The following PPM1D variants were observed in gnomAD, a reference collection of about 807,000 sequenced individuals.
The protein encoded by PPM1D is protein phosphatase 1D.
A neutral mutation model predicts 58.3 loss-of-function variants in PPM1D; 52 were observed. The observed-to-expected ratio is 0.89, with a 90% CI of 0.71 to 1.12. PPM1D has a LOEUF of 1.12. PPM1D is among the 50% of genes most tolerant of loss of function. The pLI, the probability that PPM1D is intolerant of heterozygous loss-of-function variation, is 0.00. For missense variants in PPM1D, 564 were observed against 777.2 expected, an observed-to-expected ratio of 0.73 and a Z score of 3.26; for synonymous variants, 278 against 285.1, an observed-to-expected ratio of 0.98 and a Z score of 0.25.
intron 1 of PPM1D, among the ~76,000 whole-genome samples, chr17:60,610,989 A>G (rs578147897): frequency 6.6e-6 from 1 of 152,310 alleles, no homozygotes; most frequent in African/African-American, 2.4e-5. Context: ...TTTAATTCTC[A>G]TTTCCCTGAT....
chr17:60,636,590 C>T (rs1342619054), intron 3 of PPM1D, among the ~76,000 whole-genome samples: 1 of 152,130 alleles, frequency 6.6e-6, no homozygotes, highest in African/African-American at 2.4e-5. Flanking sequence ...GATGATATGT[C>T]AGTAAAGTGT....
At chr17:60,649,567 T>C (rs2031307280) in intron 4 of PPM1D, among the ~76,000 whole-genome samples, 1 of 152,046 alleles carries the variant, frequency 6.6e-6, no homozygotes, top group East Asian at 1.9e-4. Context: ...CACTCGCCTA[T>C]AGTCCCAGCT....
chr17:60,645,403 A>G (rs951195920), intron 3 of PPM1D, among the ~76,000 whole-genome samples: 2 of 151,090 alleles, frequency 1.3e-5, no homozygotes, highest in African/African-American at 4.9e-5. Flanking sequence ...AGTTGTCAGT[A>G]AAAGAGTTGG....
In PPM1D at chr17:60,664,865, G is replaced by A. The variant is rs575050022; in HGVS notation, c.*1313G>A. 6.6e-6 allele frequency: 1 copy of A among 152,344 alleles called. No homozygotes were observed. The highest frequency in any genetic ancestry group is 2.4e-5 in the African/African-American group (1 of 41,528). The allele number at this position is 152,344 out of a possible 1,614,324, so 9.4% of individuals were successfully genotyped here. A position where few individuals can be genotyped will look rare whatever the true frequency, so the allele number is the denominator to read the frequency against. ...CATCCAGGCTAGAGTGCAGTGGCGT[G>A]ATCTCGGCTGACTGCAACCTCTGCC... On this transcript the variant is annotated 3_prime_UTR_variant, in exon 6 of 6. Transcript: ENST00000305921.
At chr17:60,639,111 G>GA (rs886725153) in intron 3 of PPM1D, among the ~76,000 whole-genome samples, 31 of 150,958 alleles carry the variant, frequency 2.1e-4, no homozygotes, top group Non-Finnish European at 3.8e-4. Context: ...ACAAAAAACT[G>GA]AAAAAAAAAT....
chr17:60,629,901 G>C (rs1188059086), intron 2 of PPM1D, among the ~76,000 whole-genome samples: 1 of 152,060 alleles, frequency 6.6e-6, no homozygotes, highest in Non-Finnish European at 1.5e-5. Context: ...TTATCCAGGC[G>C]TAGTGGCATG....
At chr17:60,621,843 T>A (rs2030710242) in intron 1 of PPM1D, among the ~76,000 whole-genome samples, 1 of 146,236 alleles carries the variant, frequency 6.8e-6, no homozygotes, top group Non-Finnish European at 1.5e-5. Flanking sequence ...GTGCTGAGAT[T>A]ATAGGCGTGA....
At chr17:60,608,498 G>A (rs922080800) in intron 1 of PPM1D, among the ~76,000 whole-genome samples, 1 of 152,076 alleles carries the variant, frequency 6.6e-6, no homozygotes, top group Non-Finnish European at 1.5e-5. Flanking sequence ...AAAATTAGCT[G>A]GGTGTGGTGG....
chr17:60,627,243 C>T (rs1299140808), intron 2 of PPM1D, among the ~76,000 whole-genome samples: 1 of 152,036 alleles, frequency 6.6e-6, no homozygotes, highest in Non-Finnish European at 1.5e-5. Flanking sequence ...TATTTTTGGT[C>T]TTAGAAACTC....
At chr17:60,610,196 A>G (rs1394089073) in intron 1 of PPM1D, among the ~76,000 whole-genome samples, 2 of 150,860 alleles carry the variant, frequency 1.3e-5, no homozygotes, top group Non-Finnish European at 2.9e-5. Flanking sequence ...AAAAAAAAAG[A>G]TATGTATGTA....
rs375116241 is a variant in PPM1D, at chr17:60,623,243, TAA to T, written c.473-277_473-276del. 8.0e-4 allele frequency among the ~76,000 whole-genome samples: 122 copies of T among 152,318 alleles called. 2 individuals carry two copies. In the East Asian group the frequency reaches 0.019, roughly 23 times the overall value. Reference sequence around the variant, plus strand: ...TCTTTCCTATCAATGTAGTTAGGACTAAGAGTCATGTAGCAGTAGTAAACCTG... The same window carrying T: ...TCTTTCCTATCAATGTAGTTAGGACTGAGTCATGTAGCAGTAGTAAACCTG... On this transcript the variant is annotated intron_variant, in intron 1 of 5. Transcript: ENST00000305921.
intron 3 of PPM1D, among the ~76,000 whole-genome samples, chr17:60,639,469 A>G (rs1322755120): frequency 1.6e-5 from 2 of 126,676 alleles, no homozygotes; most frequent in African/African-American, 6.0e-5. Context: ...ATGGAGTCTC[A>G]CTCTGTCGCC....
chr17:60,647,831 T>C, intron 3 of PPM1D, 61 bp from the exon 4 acceptor site: 8 of 1,466,522 alleles, frequency 5.5e-6, no homozygotes, highest in Non-Finnish European at 7.6e-6. Context: ...TTTTAATCTG[T>C]TGCTGTTGTA....
At chr17:60,612,710 C>T (rs1168577895) in intron 1 of PPM1D, among the ~76,000 whole-genome samples, 1 of 151,762 alleles carries the variant, frequency 6.6e-6, no homozygotes, top group Non-Finnish European at 1.5e-5. Context: ...TCATCAGGGT[C>T]TTGCTGCTGG....
Position 60,665,232 on chromosome 17 carries a change from G to T in PPM1D, c.*1680G>T, listed in dbSNP as rs2143736718. On this transcript the variant is annotated 3_prime_UTR_variant, in exon 6 of 6. Coordinates refer to ENST00000305921, the MANE Select transcript of PPM1D (RefSeq NM_003620.4). ...GATCCACCCGCCTCGACCTCCCAAAGTACTGGGATTACAGGCGTGAGCCAC... is the reference window on the plus strand; with the variant it reads ...GATCCACCCGCCTCGACCTCCCAAATTACTGGGATTACAGGCGTGAGCCAC... 6.6e-6 allele frequency: 1 copy of T among 152,262 alleles called. No individual in the cohort carries two copies. Among genetic ancestry groups the T allele is most frequent in the South Asian group, 2.1e-4 (1 of 4,822 alleles). 9.4% of individuals were successfully genotyped at this position (152,262 alleles called of 1,614,324 possible).
intron 1 of PPM1D, among the ~76,000 whole-genome samples, chr17:60,606,838 C>G (rs947144701): frequency 6.6e-6 from 1 of 152,104 alleles, no homozygotes; most frequent in African/African-American, 2.4e-5. Flanking sequence ...GCTCTGTTGT[C>G]CAGGCTGGAG....
At chr17:60,636,918 C>T (rs2031033362) in intron 3 of PPM1D, among the ~76,000 whole-genome samples, 1 of 151,704 alleles carries the variant, frequency 6.6e-6, no homozygotes, top group East Asian at 1.9e-4. Flanking sequence ...GCGATCTGCC[C>T]ACCTCAGCCT....
intron 5 of PPM1D, 146 bp downstream of exon 5, chr17:60,656,987 A>G (rs1376758880): frequency 1.9e-6 from 3 of 1,561,844 alleles, no homozygotes; most frequent in African/African-American, 1.3e-5. Flanking sequence ...TCAGAGAGCC[A>G]TCTTTACATC....
At chr17:60,602,626 A>G (rs1262831467) in intron 1 of PPM1D, among the ~76,000 whole-genome samples, 3 of 152,098 alleles carry the variant, frequency 2.0e-5, no homozygotes, top group Non-Finnish European at 2.9e-5. Flanking sequence ...ATGCTGTTAA[A>G]TGTAAATATG....
Sources: gnomAD v4.1 joint callset for allele counts (sites outside exome capture counted in the v4.1 genomes callset) on GRCh38, gnomAD v4.1.1 for gene constraint, MANE v1.5 for transcripts, NCBI Gene and HGNC (gene_info 2026-07-23, HGNC 2026-07-21) for gene names.